ANKRD29: variants seen among roughly 807,000 people sequenced by gnomAD.
ANKRD29 encodes the protein ankyrin repeat domain 29.
A neutral mutation model predicts 38.0 loss-of-function variants in ANKRD29; 32 were observed. That is an observed-to-expected ratio of 0.84 (90% CI 0.64 to 1.13). The LOEUF is 1.13. Ranked by LOEUF, ANKRD29 falls within the 50% of genes most tolerant of loss-of-function variation. ANKRD29 has a pLI of 0.00. For synonymous variants in ANKRD29, 135 were observed against 152.4 expected (o/e 0.89, Z 0.84); for missense variants, 357 against 377.9 (o/e 0.94, Z 0.46).
At chr18:23,609,483 C>T (rs762831291) in intron 9 of ANKRD29, among the ~76,000 whole-genome samples, 11 of 152,144 alleles carry the variant, frequency 7.2e-5, no homozygotes, top group South Asian at 2.1e-4. Flanking sequence ...GCTGGCTCTG[C>T]GTGAATTACT....
At chr18:23,628,571 C>A (rs2059890332) in intron 6 of ANKRD29, among the ~76,000 whole-genome samples, 1 of 152,114 alleles carries the variant, frequency 6.6e-6, no homozygotes, top group African/African-American at 2.4e-5. Context: ...CATGGTGGCT[C>A]ACACTTGTAA....
At chr18:23,645,372 G>C (rs904838222) in intron 3 of ANKRD29, among the ~76,000 whole-genome samples, 2 of 152,300 alleles carry the variant, frequency 1.3e-5, no homozygotes, top group South Asian at 4.1e-4. Context: ...TCAGGAGATC[G>C]AGACCATCTT....
At chr18:23,613,141 A>G (rs2059664693) in intron 8 of ANKRD29, among the ~76,000 whole-genome samples, 1 of 141,266 alleles carries the variant, frequency 7.1e-6, no homozygotes, top group Admixed American at 7.1e-5. Flanking sequence ...TATCAACTTC[A>G]CCTACATGCA....
chr18:23,627,572 G>T (rs2059877581), intron 6 of ANKRD29, among the ~76,000 whole-genome samples: 2 of 152,146 alleles, frequency 1.3e-5, no homozygotes, highest in Non-Finnish European at 2.9e-5. Context: ...GTTTAAGTGG[G>T]CATGGCTCAT....
intron 9 of ANKRD29, among the ~76,000 whole-genome samples, chr18:23,601,890 T>C (rs1599046363): frequency 6.6e-6 from 1 of 152,106 alleles, no homozygotes; most frequent in East Asian, 1.9e-4. Flanking sequence ...ACTCCTCGGT[T>C]TAAGTGATCC....
intron 3 of ANKRD29, among the ~76,000 whole-genome samples, chr18:23,641,442 G>A (rs2060075274): frequency 6.6e-6 from 1 of 152,268 alleles, no homozygotes; most frequent in Non-Finnish European, 1.5e-5. Flanking sequence ...GGTGCTGTCT[G>A]TCATGACCTG....
intron 9 of ANKRD29, 127 bp downstream of exon 9, chr18:23,611,965 A>C: frequency 2.6e-6 from 2 of 769,934 alleles, no homozygotes; most frequent in Non-Finnish European, 4.2e-6. Flanking sequence ...TACTAACAGC[A>C]ACCTTGAATG....
rs776343525 is a variant in ANKRD29, at chr18:23,649,112, C to T, written c.103G>A (p.Gly35Ser). ...TCTCTGCAGTCCACGTCCACCCGGC[C>T]GCTGTTCAACAGCAGCTTCAGCAGC... is the stretch of plus-strand genomic sequence containing the variant. The part of the protein sequence containing the change: ...LALLKLLLNS[G>S]RVDVDCRDSH... Residue 35 changes from glycine (G) to serine (S), a missense_variant, in exon 2 of 10, where the codon GGC (glycine) becomes AGC (serine). Coordinates refer to ENST00000592179, the MANE Select transcript of ANKRD29 (RefSeq NM_173505.4). 12 of 1,614,204 alleles carry T rather than the reference C, an allele frequency of 7.4e-6. No homozygotes were observed. The highest frequency in any genetic ancestry group is 2.2e-5 in the East Asian group (1 of 44,894).
chr18:23,623,776 G>A (rs2059825415), intron 6 of ANKRD29, among the ~76,000 whole-genome samples: 1 of 151,900 alleles, frequency 6.6e-6, no homozygotes, highest in South Asian at 2.1e-4. Flanking sequence ...CCGAGTAGCT[G>A]GGACTACAGG....
At chr18:23,648,178 G>A (rs1205432195) in intron 2 of ANKRD29, among the ~76,000 whole-genome samples, 5 of 152,320 alleles carry the variant, frequency 3.3e-5, no homozygotes, top group South Asian at 2.1e-4. Flanking sequence ...AGAGGAAAGC[G>A]AGTCTGCTGG....
chr18:23,647,028 A>G (rs2060148606), intron 2 of ANKRD29: 1 of 152,236 alleles, frequency 6.6e-6, no homozygotes, highest in Admixed American at 6.5e-5. Context: ...ACCTCTGCAT[A>G]TTCAGCAACC....
rs772817461 is a variant in ANKRD29 at position 23,632,531 on chromosome 18, G to GTATATATATATATATATATATATATATA, written c.429+1519_429+1520insTATATATATATATATATATATATATATA. Among the ~76,000 whole-genome samples, 171 of 126,800 alleles carry GTATATATATATATATATATATATATATA rather than the reference G, an allele frequency of 1.3e-3. 1 individual carries two copies. Among genetic ancestry groups the GTATATATATATATATATATATATATATA allele is most frequent in the African/African-American group, 4.5e-3 (137 of 30,124 alleles). The allele number at this position is 126,800 out of a possible 152,430, so 83.2% of individuals were successfully genotyped here. ...TCCTATTCAGTGTGTGTGTGTGTGT[G>GTATATATATATATATATATATATATATA]TGTATATATATATATATTACACACT... On this transcript the variant is annotated intron_variant, in intron 5 of 9. Transcript: ENST00000592179.
At chr18:23,622,066 C>A (rs2145666618) in intron 6 of ANKRD29, among the ~76,000 whole-genome samples, 1 of 152,084 alleles carries the variant, frequency 6.6e-6, no homozygotes, top group South Asian at 2.1e-4. Flanking sequence ...AAAGTATGGA[C>A]AAAAATGCAC....
intron 4 of ANKRD29, among the ~76,000 whole-genome samples, chr18:23,637,623 C>T (rs1407279991): frequency 6.6e-6 from 1 of 151,928 alleles, no homozygotes; most frequent in African/African-American, 2.4e-5. Context: ...GTCTTGAACT[C>T]CTGAGCTCAA....
At chr18:23,624,466 C>CAAAAAAAAAAAAAAAAAAA (rs56005663) in intron 6 of ANKRD29, among the ~76,000 whole-genome samples, 3 of 32,436 alleles carry the variant, frequency 9.2e-5, no homozygotes, top group Non-Finnish European at 2.1e-4. Context: ...GACTCCATCT[C>CAAAAAAAAAAAAAAAAAAA]AAAAAAAAAA....
At chr18:23,612,545 A>T (rs1043202018) in intron 8 of ANKRD29, among the ~76,000 whole-genome samples, 4 of 152,220 alleles carry the variant, frequency 2.6e-5, no homozygotes, top group African/African-American at 9.6e-5. Flanking sequence ...ACACGTAAGG[A>T]CAACACGTAC....
intron 6 of ANKRD29, among the ~76,000 whole-genome samples, chr18:23,624,564 T>C (rs189202275): frequency 6.7e-6 from 1 of 149,322 alleles, no homozygotes; most frequent in Non-Finnish European, 1.5e-5. Context: ...TGTCTTTTAC[T>C]ATGTGTGTGT....
At chr18:23,632,533 GTA>G (rs61584775) in intron 5 of ANKRD29, among the ~76,000 whole-genome samples, 9 of 130,916 alleles carry the variant, frequency 6.9e-5, no homozygotes, top group African/African-American at 1.3e-4. Flanking sequence ...GTGTGTGTGT[GTA>G]TATATATATA....
intron 5 of ANKRD29, among the ~76,000 whole-genome samples, chr18:23,631,481 A>G (rs1042437147): frequency 1.3e-5 from 2 of 152,044 alleles, no homozygotes; most frequent in Admixed American, 6.6e-5. Flanking sequence ...CTTGGGCTCA[A>G]GCGATCCTCC....
Sources: gnomAD v4.1 joint callset for allele counts (sites outside exome capture counted in the v4.1 genomes callset) on GRCh38, gnomAD v4.1.1 for gene constraint, MANE v1.5 for transcripts, NCBI Gene and HGNC (gene_info 2026-07-23, HGNC 2026-07-21) for gene names.